Variants in SPTA1 observed in about 807,000 individuals in gnomAD.
SPTA1 encodes the protein spectrin alpha, erythrocytic 1.
SPTA1 carries 177 observed loss-of-function variants against 324.7 expected under a neutral mutation model. That is an observed-to-expected ratio of 0.55 (90% confidence interval 0.48 to 0.62). The LOEUF is 0.62. Among genes scored for constraint, SPTA1 ranks in the 20% least tolerant of loss-of-function variants. The pLI is 0.00. For missense variants in SPTA1, 3,162 were observed against 2,883.6 expected, an observed-to-expected ratio of 1.10 and a Z score of -2.21; for synonymous variants, 1,195 against 1,041.3, an observed-to-expected ratio of 1.15 and a Z score of -2.84.
chr1:158,643,573 T>C (rs1026221460), intron 30 of SPTA1, 148 bp from the exon 31 acceptor site: 4 of 815,442 alleles, frequency 4.9e-6, no homozygotes, highest in Non-Finnish European at 8.1e-6. Context: ...TACAGGGAGG[T>C]GGGTTTCAAC....
At position 158,633,659 on chromosome 1, in the gene SPTA1, T is replaced by C. The variant is rs1283197914; in HGVS notation, c.5565+884A>G. Among the ~76,000 whole-genome samples the C allele has an allele frequency of 5.2e-5, 6 of 114,340 alleles. No individual in the cohort carries two copies. In the Admixed American group the frequency reaches 6.0e-4, roughly 11 times the overall value. 75.0% of individuals were successfully genotyped at this position (114,340 alleles called of 152,430 possible). On this transcript the variant is annotated intron_variant, in intron 39 of 51. Transcript: ENST00000643759. ...CTGGGAGACAGAGTGAGACTCTGTC[T>C]CGAAAAAAAAAAAAAAAAAGAAAAG...
At chr1:158,618,142 C>T in intron 45 of SPTA1, 86 bp from the exon 46 acceptor site, 1 of 1,362,100 alleles carries the variant, frequency 7.3e-7, no homozygotes, top group Admixed American at 1.7e-5. Flanking sequence ...ATCTCATTTC[C>T]TCAGATTTAT....
chr1:158,667,997 A>G lies in SPTA1; in HGVS notation c.1899T>C (p.Asn633=). 6.2e-7 allele frequency: 1 copy of G among 1,613,210 alleles called. No homozygotes were observed. The highest frequency in any genetic ancestry group is 8.5e-7 in the Non-Finnish European group (1 of 1,179,896). ...QQVFEKELAV[N]KTQLENIQKT... ...TCTGTATGTTTTCCAGCTGGGTCTT[A>G]TTAACTGCCAACTCCTTTTCAAAGA... The change falls in exon 15 of 52, where the codon AAT becomes AAC. Residue 633 remains asparagine, a synonymous_variant. Transcript: ENST00000643759.
intron 2 of SPTA1, 126 bp downstream of exon 2, chr1:158,684,982 T>C (rs946863617): frequency 7.6e-6 from 9 of 1,177,394 alleles, no homozygotes; most frequent in African/African-American, 1.5e-5. Flanking sequence ...CACTGACTTA[T>C]TTTTGTTTCT....
chr1:158,655,009 C>G (rs562472323), intron 20 of SPTA1, among the ~76,000 whole-genome samples: 1 of 152,146 alleles, frequency 6.6e-6, no homozygotes, highest in East Asian at 1.9e-4. Context: ...ATTAAATGCT[C>G]TAAGCCATCA....
rs1652101003 is a variant in SPTA1, at chr1:158,647,681, A to G, written c.3754T>C (p.Ser1252Pro). Residue 1252 changes from serine (S) to proline (P), a missense_variant, in exon 27 of 52, where the codon TCC becomes CCC. By Grantham distance (74) the Ser-to-Pro change is moderately conservative. Coordinates refer to ENST00000643759, the MANE Select transcript of SPTA1 (RefSeq NM_003126.4). Reference sequence around the variant, plus strand: ...AGGTCCTCAGTGGCATCTGGATGGGACTCACTGAGCCGCTCTGCTGTCTCC... The same window carrying G: ...AGGTCCTCAGTGGCATCTGGATGGGGCTCACTGAGCCGCTCTGCTGTCTCC... ...LGETAERLSE[S>P]HPDATEDLQR... The G allele has an allele frequency of 6.2e-6, 10 of 1,613,630 alleles. No homozygotes were observed. Among genetic ancestry groups the G allele is most frequent in the Non-Finnish European group, 8.5e-6 (10 of 1,179,852 alleles).
At chr1:158,639,037 CTGTG>C (rs1343844121) in intron 35 of SPTA1, among the ~76,000 whole-genome samples, 1 of 152,108 alleles carries the variant, frequency 6.6e-6, no homozygotes, top group Non-Finnish European at 1.5e-5. Flanking sequence ...CCTGCCTTTT[CTGTG>C]TGTATCTGTA....
chr1:158,666,548 TTACAC>T (rs748637721), intron 15 of SPTA1, 51 bp from the exon 16 acceptor site: 1 of 1,500,800 alleles, frequency 6.7e-7, no homozygotes, highest in South Asian at 1.1e-5. Context: ...CTATTCCTCT[TTACAC>T]TATAATATAC....
chr1:158,677,105 C>T (rs749113753), intron 7 of SPTA1, among the ~76,000 whole-genome samples: 6 of 152,044 alleles, frequency 3.9e-5, no homozygotes, highest in Non-Finnish European at 7.4e-5. Flanking sequence ...AATTGGTTTA[C>T]GTTCTGGCTA....
Position 158,642,307 on chromosome 1 carries a change from A to G in SPTA1, c.4737+104T>C, listed in dbSNP as rs898082644. The G allele has an allele frequency of 1.3e-5, 16 of 1,223,584 alleles. No individual in the cohort carries two copies. In the East Asian group the frequency reaches 5.3e-4, roughly 40 times the overall value. The allele number at this position is 1,223,584 out of a possible 1,614,324, so 75.8% of individuals were successfully genotyped here. A position where few individuals can be genotyped will look rare whatever the true frequency, so the allele number is the denominator to read the frequency against. ...ACATGTACCCTAAAACTTAAAGTAT[A>G]ATAATAATAAAATTAAAAAAAATAC... On this transcript the variant is annotated intron_variant, in intron 33 of 51. Transcript: ENST00000643759.
Position 158,674,552 on chromosome 1 carries a change from A to T in SPTA1, c.1236T>A (p.His412Gln). The change falls in exon 9 of 52, where the codon CAT becomes CAA. Residue 412 changes from histidine (H) to glutamine (Q), a missense_variant. Coordinates refer to ENST00000643759, the MANE Select transcript of SPTA1 (RefSeq NM_003126.4). ...VAGGEVLLDRHQQHKHEIDSY... is the reference protein window; with the variant it reads ...VAGGEVLLDRQQQHKHEIDSY... Reference sequence around the variant, plus strand: ...CTTTCTTCTCTACCTTATGCTGCTGATGCCTGTCCAGCAGAACTTCTCCAC... The same window carrying T: ...CTTTCTTCTCTACCTTATGCTGCTGTTGCCTGTCCAGCAGAACTTCTCCAC... 6.2e-7 allele frequency: 1 copy of T among 1,614,054 alleles called. No homozygotes were observed. The highest frequency in any genetic ancestry group is 8.5e-7 in the Non-Finnish European group (1 of 1,179,988).
At chr1:158,681,382 T>A (rs1654796490) in intron 4 of SPTA1, 145 bp downstream of exon 4, 3 of 1,236,890 alleles carry the variant, frequency 2.4e-6, no homozygotes, top group Non-Finnish European at 3.6e-6. Context: ...CCCTACATTT[T>A]GGCCCCAATT....
chr1:158,624,303 G>T (rs1200618592), intron 42 of SPTA1, among the ~76,000 whole-genome samples: 1 of 152,182 alleles, frequency 6.6e-6, no homozygotes, highest in African/African-American at 2.4e-5. Context: ...ACCTGGAAAA[G>T]CTGTAGACAA....
At chr1:158,684,105 A>C (rs1364843853) in intron 2 of SPTA1, among the ~76,000 whole-genome samples, 4 of 151,324 alleles carry the variant, frequency 2.6e-5, no homozygotes, top group Non-Finnish European at 4.4e-5. Context: ...GAAAAAAAAA[A>C]AACTCTGGTT....
intron 30 of SPTA1, 142 bp from the exon 31 acceptor site, chr1:158,643,567 G>T (rs566936834): frequency 1.2e-6 from 1 of 834,224 alleles, no homozygotes; most frequent in Non-Finnish European, 2.0e-6. Flanking sequence ...ATGCCTTACA[G>T]GGAGGTGGGT....
chr1:158,658,980 A>G lies in SPTA1; in HGVS notation c.2588-1286T>C, dbSNP rs548379717. Among the ~76,000 whole-genome samples, 9 of 152,232 alleles carry G rather than the reference A, an allele frequency of 5.9e-5. No individual in the cohort carries two copies. In the South Asian group the frequency reaches 1.9e-3, roughly 32 times the overall value. ...AGAATTTATGGATAGAAGACCTGCA[A>G]TATAAGGAATGTTAGATGAAGTTCT... On this transcript the variant is annotated intron_variant, in intron 18 of 51. Transcript: ENST00000643759.
intron 42 of SPTA1, 41 bp from the exon 43 acceptor site, chr1:158,623,233 T>C (rs2101769072): frequency 6.4e-7 from 1 of 1,558,070 alleles, no homozygotes; most frequent in South Asian, 1.1e-5. Context: ...AAGAAAATGG[T>C]GCAAGGGTCA....
chr1:158,679,387 C>G (rs1654633053), intron 5 of SPTA1, among the ~76,000 whole-genome samples: 1 of 152,132 alleles, frequency 6.6e-6, no homozygotes, highest in Non-Finnish European at 1.5e-5. Context: ...TATGTTTCCT[C>G]AAGTCTTGGA....
rs1276392123 is a variant in SPTA1, at chr1:158,636,666, A to C, written c.5285T>G (p.Leu1762Arg). ...LKKHKRLEGELVAHEPAIQNV... is the reference protein window; with the variant it reads ...LKKHKRLEGERVAHEPAIQNV... Reference sequence around the variant, plus strand: ...CTGGATGGCAGGCTCATGGGCCACCAGCTCCCCCTCTAGGCGTTTGTGCTT... The same window carrying C: ...CTGGATGGCAGGCTCATGGGCCACCCGCTCCCCCTCTAGGCGTTTGTGCTT... Residue 1762 changes from leucine (L) to arginine (R), a missense_variant, in exon 37 of 52, where the codon CTG becomes CGG. Physicochemically the swap from Leu to Arg is moderately radical, Grantham distance 102. Transcript: ENST00000643759. The C allele has an allele frequency of 6.2e-7, 1 of 1,614,046 alleles. No homozygotes were observed. The highest frequency in any genetic ancestry group is 1.7e-5 in the Admixed American group (1 of 60,004).
Sources: allele counts gnomAD v4.1 joint callset (sites outside exome capture counted in the v4.1 genomes callset), GRCh38; gene constraint gnomAD v4.1.1; transcripts MANE v1.5; gene names NCBI Gene and HGNC (gene_info 2026-07-23, HGNC 2026-07-21).